MBNL1: variants seen among roughly 807,000 people sequenced by gnomAD.
MBNL1 encodes the protein muscleblind-like protein 1.
In MBNL1, 8 loss-of-function variants were observed where a neutral mutation model predicts 42.2. The observed-to-expected ratio is 0.19, with a 90% CI of 0.11 to 0.34. MBNL1 has a LOEUF of 0.34. MBNL1 is among the 10% of genes least tolerant of loss of function. The probability of loss-of-function intolerance (pLI) is 1.00; values close to 1 mark genes in which losing one functional copy is unlikely to be tolerated. For missense variants in MBNL1, 309 were observed against 495.3 expected (o/e 0.62, Z 3.57); for synonymous variants, 169 against 173.9 (o/e 0.97, Z 0.22).
intron 2 of MBNL1, among the ~76,000 whole-genome samples, chr3:152,341,336 T>TA (rs1413590828): frequency 1.3e-5 from 2 of 152,214 alleles, no homozygotes; most frequent in African/African-American, 4.8e-5. Context: ...ATGAAACAAA[T>TA]ATAAGAATGT....
intron 2 of MBNL1, among the ~76,000 whole-genome samples, chr3:152,305,445 GCTT>G (rs1224036264): frequency 1.3e-5 from 2 of 151,768 alleles, no homozygotes; most frequent in Non-Finnish European, 2.9e-5. Context: ...CTTAGACAAA[GCTT>G]CTTATTTTCT....
intron 2 of MBNL1, among the ~76,000 whole-genome samples, chr3:152,390,380 T>G (rs1293774922): frequency 6.6e-6 from 1 of 152,082 alleles, no homozygotes; most frequent in East Asian, 1.9e-4. Context: ...CTTGTCCCAC[T>G]AGAAGGTCTT....
At chr3:152,307,135 G>A (rs746763675) in intron 2 of MBNL1, among the ~76,000 whole-genome samples, 24 of 152,006 alleles carry the variant, frequency 1.6e-4, no homozygotes, top group African/African-American at 4.3e-4. Context: ...TCCTACAGGC[G>A]TGTATCACCA....
At chr3:152,302,189 T>TAA (rs1445650533) in intron 2 of MBNL1, 2 of 152,204 alleles carry the variant, frequency 1.3e-5, no homozygotes, top group Non-Finnish European at 2.9e-5. Flanking sequence ...GGACTTTAAA[T>TAA]AATTTCAAGA....
At chr3:152,348,435 T>G (rs1313815623) in intron 2 of MBNL1, among the ~76,000 whole-genome samples, 1 of 152,128 alleles carries the variant, frequency 6.6e-6, no homozygotes, top group Non-Finnish European at 1.5e-5. Flanking sequence ...CAATACTTAT[T>G]TGAAAGTATT....
chr3:152,305,511 A>C (rs2062642840), intron 2 of MBNL1, among the ~76,000 whole-genome samples: 1 of 150,376 alleles, frequency 6.6e-6, no homozygotes, highest in Admixed American at 6.6e-5. Context: ...TTTTAAACTT[A>C]GCAGTACTAC....
chr3:152,453,930 CTTAA>C (rs1357341657), intron 6 of MBNL1, among the ~76,000 whole-genome samples: 5 of 152,106 alleles, frequency 3.3e-5, no homozygotes, highest in South Asian at 2.1e-4. Context: ...TTTAATATTA[CTTAA>C]TTATCACATT....
At chr3:152,358,261 AAT>A (rs1422082593) in intron 2 of MBNL1, among the ~76,000 whole-genome samples, 1 of 152,170 alleles carries the variant, frequency 6.6e-6, no homozygotes, top group Non-Finnish European at 1.5e-5. Context: ...ACTTCTTATA[AAT>A]ATGTTATTAT....
intron 2 of MBNL1, among the ~76,000 whole-genome samples, chr3:152,410,630 A>G (rs541120467): frequency 1.3e-5 from 2 of 152,384 alleles, no homozygotes; most frequent in South Asian, 4.1e-4. Flanking sequence ...TTTGCCATTA[A>G]TGGCAAAAAC....
intron 2 of MBNL1, among the ~76,000 whole-genome samples, chr3:152,401,966 AGCTT>A (rs2098242421): frequency 6.7e-6 from 1 of 150,200 alleles, no homozygotes; most frequent in Admixed American, 6.7e-5. Flanking sequence ...TGGGAGGCAG[AGCTT>A]GCAGTGAGCC....
At chr3:152,270,214 A>G (rs1359517547) in intron 1 of MBNL1, among the ~76,000 whole-genome samples, 1 of 152,136 alleles carries the variant, frequency 6.6e-6, no homozygotes, top group Non-Finnish European at 1.5e-5. Flanking sequence ...CGCTGACTTC[A>G]CTTTGTGTGC....
chr3:152,323,939 C>T (rs2077944158), intron 2 of MBNL1, among the ~76,000 whole-genome samples: 1 of 152,132 alleles, frequency 6.6e-6, no homozygotes. Context: ...TCATTCAACA[C>T]CTTTTATATG....
intron 2 of MBNL1, among the ~76,000 whole-genome samples, chr3:152,357,846 A>G (rs1415800111): frequency 6.6e-6 from 1 of 152,200 alleles, no homozygotes; most frequent in South Asian, 2.1e-4. Flanking sequence ...AGAGTTAGAA[A>G]TAAGGTTGGC....
chr3:152,394,769 T>C (rs1374473396), intron 2 of MBNL1, among the ~76,000 whole-genome samples: 1 of 152,258 alleles, frequency 6.6e-6, no homozygotes, highest in Admixed American at 6.5e-5. Context: ...AGCCTGACTC[T>C]GGGAGACCTT....
chr3:152,245,723 G>A (rs2032790636), intron 2 of MBNL1, among the ~76,000 whole-genome samples: 1 of 152,104 alleles, frequency 6.6e-6, no homozygotes, highest in Non-Finnish European at 1.5e-5. Context: ...GTATTTTCAT[G>A]CACTACACCA....
chr3:152,421,517 T>G (rs2098804512), intron 3 of MBNL1, among the ~76,000 whole-genome samples: 1 of 152,176 alleles, frequency 6.6e-6, no homozygotes, highest in African/African-American at 2.4e-5. Flanking sequence ...AGAGGCAGTT[T>G]TCCCCAAACA....
chr3:152,412,276 T>C (rs1279503546), intron 2 of MBNL1, among the ~76,000 whole-genome samples: 1 of 111,710 alleles, frequency 9.0e-6, no homozygotes, highest in South Asian at 2.3e-4. Context: ...TATTCTCTTA[T>C]TTTTTCCACA....
intron 2 of MBNL1, among the ~76,000 whole-genome samples, chr3:152,358,021 G>T (rs893329988): frequency 6.6e-6 from 1 of 152,198 alleles, no homozygotes; most frequent in African/African-American, 2.4e-5. Context: ...GCACGCACGT[G>T]CGTGTATCTG....
chr3:152,405,414 A>G lies in MBNL1; in HGVS notation c.175-9527A>G, dbSNP rs16864266. ...GGGAATTAACATTGGTAAAGTTTTGAAAACAGTACCTGGAATATAGGAAGC... is the reference window on the plus strand; with the variant it reads ...GGGAATTAACATTGGTAAAGTTTTGGAAACAGTACCTGGAATATAGGAAGC... On this transcript the variant is annotated intron_variant, in intron 2 of 9. Coordinates refer to ENST00000324210, the MANE Select transcript of MBNL1 (RefSeq NM_021038.5). Among the ~76,000 whole-genome samples, 896 of 152,328 alleles carry G rather than the reference A, an allele frequency of 5.9e-3. 9 individuals are homozygous for G. Among genetic ancestry groups the G allele is most frequent in the African/African-American group, 0.021 (856 of 41,568 alleles).
Sources: gnomAD v4.1 joint callset for allele counts (sites outside exome capture counted in the v4.1 genomes callset) on GRCh38, gnomAD v4.1.1 for gene constraint, MANE v1.5 for transcripts, NCBI Gene and HGNC (gene_info 2026-07-23, HGNC 2026-07-21) for gene names.